GLCCI1: variants seen among roughly 807,000 people sequenced by gnomAD.
The protein encoded by GLCCI1 is glucocorticoid induced 1.
Under a neutral mutation model 52.2 loss-of-function variants are expected in GLCCI1, and 24 were observed. The observed-to-expected ratio is 0.46, with a 90% CI of 0.33 to 0.65. The LOEUF is 0.65. Among genes scored for constraint, GLCCI1 ranks in the 30% least tolerant of loss-of-function variants. The pLI, the probability that GLCCI1 is intolerant of heterozygous loss-of-function variation, is 0.02. For missense variants in GLCCI1, 704 were observed against 701.5 expected, an observed-to-expected ratio of 1.00 and a Z score of -0.04; for synonymous variants, 310 against 276.5, an observed-to-expected ratio of 1.12 and a Z score of -1.20.
chr7:7,979,311 C>CTT (rs1282117641), intron 1 of GLCCI1, among the ~76,000 whole-genome samples: 1 of 152,124 alleles, frequency 6.6e-6, no homozygotes, highest in Non-Finnish European at 1.5e-5. Context: ...CATTTGCTCA[C>CTT]TTTTTATCTT....
At chr7:7,980,455 G>A (rs914630872) in intron 1 of GLCCI1, 1 of 292,056 alleles carries the variant, frequency 3.4e-6, no homozygotes, top group African/African-American at 2.2e-5. Context: ...CATCTAGAAG[G>A]TACTCGCCTG....
chr7:8,031,597 C>G (rs1356162513), intron 3 of GLCCI1, among the ~76,000 whole-genome samples: 3 of 151,830 alleles, frequency 2.0e-5, no homozygotes, highest in African/African-American at 4.8e-5. Context: ...GGATAGATAC[C>G]CAGTTTACTC....
rs535396132 is a variant in GLCCI1 at position 8,052,680 on chromosome 7, C to T, written c.697-2753C>T. 3.9e-5 allele frequency among the ~76,000 whole-genome samples: 6 copies of T among 152,330 alleles called. No individual in the cohort carries two copies. In the South Asian group the frequency reaches 1.2e-3, roughly 32 times the overall value. On this transcript the variant is annotated intron_variant, in intron 3 of 7. Coordinates refer to ENST00000223145, the MANE Select transcript of GLCCI1 (RefSeq NM_138426.4). ...TAGAAATAAGAATTACTTCACTTTC[C>T]AGCTACCTCTGATGGTTGTGCTTGT...
Position 8,087,548 on chromosome 7 carries a change from A to G in GLCCI1, c.*1010A>G, listed in dbSNP as rs1783143312. 1 of 152,606 alleles carries G rather than the reference A, an allele frequency of 6.6e-6. No individual in the cohort carries two copies. Among genetic ancestry groups the G allele is most frequent in the Admixed American group, 6.5e-5 (1 of 15,288 alleles). The allele number at this position is 152,606 out of a possible 1,614,324, so 9.5% of individuals were successfully genotyped here. A position where few individuals can be genotyped will look rare whatever the true frequency, so the allele number is the denominator to read the frequency against. ...TGAGATTTTTTTGTTTATGTTAGCC[A>G]TCAGGGTCATAACTGTTACCATTTT... On this transcript the variant is annotated 3_prime_UTR_variant, in exon 8 of 8. Transcript: ENST00000223145.
At chr7:8,036,354 A>G (rs1781868346) in intron 3 of GLCCI1, among the ~76,000 whole-genome samples, 1 of 152,206 alleles carries the variant, frequency 6.6e-6, no homozygotes, top group Non-Finnish European at 1.5e-5. Flanking sequence ...ATAAAAGCCA[A>G]AAGGCCATAC....
intron 2 of GLCCI1, 33 bp downstream of exon 2, chr7:8,004,092 C>CTGT: frequency 6.3e-7 from 1 of 1,578,502 alleles, no homozygotes; most frequent in South Asian, 1.2e-5. Context: ...AGCTTATTAC[C>CTGT]CTGCACTTCT....
At position 8,060,120 on chromosome 7, in the gene GLCCI1, A is replaced by G. The variant is rs1367459834; in HGVS notation, c.838A>G (p.Met280Val). ...GGCTACTGGATCAAGGTCAGTTCCT[A>G]TGCCACTGTCAAATATATCAGTGCC... ...TQATGSRSVP[M>V]PLSNISVPKS... Residue 280 changes from methionine to valine, a missense_variant, in exon 5 of 8, where the codon ATG becomes GTG. Met to Val is a conservative substitution (Grantham distance 21). Transcript: ENST00000223145. 5.0e-6 allele frequency: 8 copies of G among 1,613,756 alleles called. No individual in the cohort carries two copies. The highest frequency in any genetic ancestry group is 6.8e-6 in the Non-Finnish European group (8 of 1,179,800).
chr7:8,065,270 C>T (rs1387462956), intron 5 of GLCCI1, among the ~76,000 whole-genome samples: 1 of 152,092 alleles, frequency 6.6e-6, no homozygotes, highest in Non-Finnish European at 1.5e-5. Flanking sequence ...TAAAACTTTG[C>T]TGAAGTTGTT....
intron 6 of GLCCI1, 74 bp downstream of exon 6, chr7:8,071,205 TC>T: frequency 1.7e-6 from 2 of 1,156,188 alleles, no homozygotes; most frequent in East Asian, 2.4e-5. Flanking sequence ...GACCATTACA[TC>T]TTTTTTTTTT....
intron 5 of GLCCI1, among the ~76,000 whole-genome samples, chr7:8,061,655 C>CTTT (rs1562446626): frequency 1.6e-4 from 15 of 94,692 alleles, no homozygotes; most frequent in South Asian, 3.6e-4. Flanking sequence ...TACCATTGAA[C>CTTT]TCTTTTTTTT....
intron 3 of GLCCI1, among the ~76,000 whole-genome samples, chr7:8,041,595 G>A (rs1782000010): frequency 6.6e-6 from 1 of 152,096 alleles, no homozygotes; most frequent in Admixed American, 6.5e-5. Context: ...TTAGGAGCTT[G>A]CTTTTTTTCT....
At chr7:8,014,130 C>G (rs1372071037) in intron 2 of GLCCI1, among the ~76,000 whole-genome samples, 3 of 152,058 alleles carry the variant, frequency 2.0e-5, no homozygotes, top group Non-Finnish European at 4.4e-5. Flanking sequence ...GCTGGAATTA[C>G]AGGCGCCCGC....
In GLCCI1 at chr7:8,075,184, A is replaced by G. The variant is rs138003417; in HGVS notation, c.1177+4053A>G. 1.8e-3 allele frequency among the ~76,000 whole-genome samples: 275 copies of G among 152,118 alleles called. 1 individual carries two copies. Among genetic ancestry groups the G allele is most frequent in the African/African-American group, 6.3e-3 (261 of 41,482 alleles). ...TTGGTTTTTTTCTTTGCCTGTATGG[A>G]TTGTAATGCCAGGACAAAAACACTC... On this transcript the variant is annotated intron_variant, in intron 6 of 7. Transcript: ENST00000223145.
rs1489731685 is a variant in GLCCI1, at chr7:8,071,024, G to A, written c.1070G>A (p.Ser357Asn). 1 of 1,614,170 alleles carries A rather than the reference G, an allele frequency of 6.2e-7. No individual in the cohort carries two copies. Among genetic ancestry groups the A allele is most frequent in the East Asian group, 2.2e-5 (1 of 44,884 alleles). ...DTQTPSVQER[S>N]SSCSSHSPCV... ...CAGACTCCTTCTGTCCAGGAGCGCA[G>A]CAGTAGCTGCAGCAGTCATTCACCC... Residue 357 changes from serine (S) to asparagine (N), a missense_variant, in exon 6 of 8, where the codon AGC becomes AAC. Physicochemically the swap from Ser to Asn is conservative, Grantham distance 46. Around this residue, in one of 3 missense-constraint regions of GLCCI1, gnomAD observed 547 missense variants for 524.8 expected, o/e 1.04. Transcript: ENST00000223145.
At chr7:7,988,399 G>T (rs561480178) in intron 1 of GLCCI1, among the ~76,000 whole-genome samples, 1 of 152,048 alleles carries the variant, frequency 6.6e-6, no homozygotes, top group Admixed American at 6.5e-5. Flanking sequence ...AAGAACTTTC[G>T]AATAAGTTAT....
chr7:8,058,575 G>A (rs1185070697), intron 4 of GLCCI1, among the ~76,000 whole-genome samples: 1 of 152,156 alleles, frequency 6.6e-6, no homozygotes, highest in African/African-American at 2.4e-5. Context: ...ATAAAGAAAT[G>A]GTGGGGCAAT....
In GLCCI1 at chr7:8,064,996, C is replaced by T. The variant is rs547127196; in HGVS notation, c.966+4748C>T. On this transcript the variant is annotated intron_variant, in intron 5 of 7. Transcript: ENST00000223145. ...CCCCCTAAAGTGCTGGGATTATGAGCGTGAGCCACCGCGCCTGGCCAGTGT... is the reference window on the plus strand; with the variant it reads ...CCCCCTAAAGTGCTGGGATTATGAGTGTGAGCCACCGCGCCTGGCCAGTGT... Among the ~76,000 whole-genome samples, 21 of 152,234 alleles carry T rather than the reference C, an allele frequency of 1.4e-4. No homozygotes were observed. The East Asian group carries it at 2.1e-3, about 15-fold the overall frequency.
In GLCCI1 at chr7:8,061,768, G is replaced by C. The variant is rs949041424; in HGVS notation, c.966+1520G>C. ...TGTAACCTCCTCCTCCCAGGTTCAA[G>C]TGGTTCTCCCGCCTCAGCCTCCTGA... is the stretch of plus-strand genomic sequence containing the variant. On this transcript the variant is annotated intron_variant, in intron 5 of 7. Transcript: ENST00000223145. 3.5e-5 allele frequency among the ~76,000 whole-genome samples: 5 copies of C among 143,470 alleles called. No homozygotes were observed. The Admixed American group carries it at 3.7e-4, about 11-fold the overall frequency. 94.1% of individuals were successfully genotyped at this position (143,470 alleles called of 152,430 possible).
Position 8,020,548 on chromosome 7 carries a change from A to C in GLCCI1, c.610-1935A>C, listed in dbSNP as rs115399918. ...TTGGCGTGCTTGCCAGTGTTGAAGC[A>C]GTTGCAGAATTTTTGTGGCTATTAA... On this transcript the variant is annotated intron_variant, in intron 2 of 7. Coordinates refer to ENST00000223145, the MANE Select transcript of GLCCI1 (RefSeq NM_138426.4). 8.6e-3 allele frequency among the ~76,000 whole-genome samples: 1,317 copies of C among 152,330 alleles called. 20 individuals carry two copies. Among genetic ancestry groups the C allele is most frequent in the African/African-American group, 0.03 (1,231 of 41,564 alleles).
Sources: gnomAD v4.1 joint callset for allele counts (sites outside exome capture counted in the v4.1 genomes callset) on GRCh38, gnomAD v4.1.1 for gene constraint, gnomAD v4.1.1 regional missense constraint, MANE v1.5 for transcripts, NCBI Gene and HGNC (gene_info 2026-07-23, HGNC 2026-07-21) for gene names.